CCDC146: variants seen among roughly 807,000 people sequenced by gnomAD.
CCDC146 encodes coiled-coil domain-containing protein 146.
CCDC146 carries 92 observed loss-of-function variants against 119.3 expected under a neutral mutation model. The ratio of observed to expected loss-of-function variants is 0.77; its 90% confidence interval spans 0.65 to 0.92. CCDC146 has a LOEUF of 0.92. CCDC146 is among the 40% of genes least tolerant of loss of function. The pLI is 0.00. For synonymous variants in CCDC146, 372 were observed against 371.8 expected, an observed-to-expected ratio of 1.00 and a Z score of -0.01; for missense variants, 1,000 against 1,103.0, an observed-to-expected ratio of 0.91 and a Z score of 1.32.
intron 13 of CCDC146, among the ~76,000 whole-genome samples, chr7:77,279,446 T>C (rs1469110101): frequency 3.9e-5 from 6 of 152,234 alleles, no homozygotes; most frequent in African/African-American, 1.4e-4. Flanking sequence ...CTTACTATGA[T>C]GATTTTCACC....
intron 2 of CCDC146, among the ~76,000 whole-genome samples, chr7:77,215,761 CACT>C (rs71689344): frequency 0.13 from 19,462 of 151,872 alleles, 1,462 homozygotes; most frequent in African/African-American, 0.2. Context: ...TTCAGAATAA[CACT>C]ACTACCAACA....
At chr7:77,154,508 A>T (rs1449358184) in intron 1 of CCDC146, among the ~76,000 whole-genome samples, 1 of 121,178 alleles carries the variant, frequency 8.3e-6, no homozygotes, top group Non-Finnish European at 1.6e-5. Flanking sequence ...TCCTGTGTCC[A>T]TGTGTTCTCA....
At chr7:77,147,487 T>C (rs917287327) in intron 1 of CCDC146, among the ~76,000 whole-genome samples, 12 of 152,240 alleles carry the variant, frequency 7.9e-5, no homozygotes, top group Admixed American at 2.0e-4. Context: ...AGAGGTGCTC[T>C]GATTTTTAGA....
rs1344208509 is a variant in CCDC146 at position 77,241,309 on chromosome 7, G to A, written c.240-382G>A. Among the ~76,000 whole-genome samples the A allele has an allele frequency of 8.5e-5, 8 of 94,520 alleles. 3 individuals are homozygous for A. The highest frequency in any genetic ancestry group is 2.5e-4 in the East Asian group (1 of 3,972). The allele number at this position is 94,520 out of a possible 152,430, so 62.0% of individuals were successfully genotyped here. ...CCTGACCTTGTGATCCGCCTGCCTC[G>A]GCCTCCCAAAGTGCTGGGATTACAG... On this transcript the variant is annotated intron_variant, in intron 3 of 18. Coordinates refer to ENST00000285871, the MANE Select transcript of CCDC146 (RefSeq NM_020879.3).
At chr7:77,236,615 C>A (rs1792741647) in intron 2 of CCDC146, among the ~76,000 whole-genome samples, 1 of 151,224 alleles carries the variant, frequency 6.6e-6, no homozygotes, top group Admixed American at 6.6e-5. Context: ...AAATAGCCAA[C>A]CTATAATCTA....
Position 77,196,714 on chromosome 7 carries a change from A to C in CCDC146, c.156+28890A>C. The C allele has an allele frequency of 6.2e-7, 1 of 1,614,010 alleles. No individual in the cohort carries two copies. Reference sequence around the variant, plus strand: ...GATCTATTCTCAGAATCATTTCCTTACTCTTGGTCAGAAGATGAATTTTAT... The same window carrying C: ...GATCTATTCTCAGAATCATTTCCTTCCTCTTGGTCAGAAGATGAATTTTAT... On this transcript the variant is annotated intron_variant, in intron 2 of 18. Transcript: ENST00000285871. The surrounding 1 kb of genome is among the most constrained non-coding windows in gnomAD (Gnocchi z 4.2).
At chr7:77,275,420 C>T (rs1793615414) in intron 11 of CCDC146, among the ~76,000 whole-genome samples, 1 of 152,148 alleles carries the variant, frequency 6.6e-6, no homozygotes, top group African/African-American at 2.4e-5. Context: ...TCCCAAGATT[C>T]AATTAACAGT....
Position 77,271,052 on chromosome 7 carries a change from G to GAAA in CCDC146, c.1174-2627_1174-2625dup, listed in dbSNP as rs11294929. On this transcript the variant is annotated intron_variant, in intron 9 of 18. Coordinates refer to ENST00000285871, the MANE Select transcript of CCDC146 (RefSeq NM_020879.3). ...GACTCCTGGATACATTGCAGCTCTG[G>GAAA]AAAAAAAAAAAAAAAAACAGCATTC... is the stretch of plus-strand genomic sequence containing the variant. Among the ~76,000 whole-genome samples, 152 of 134,388 alleles carry GAAA rather than the reference G, an allele frequency of 1.1e-3. 1 individual carries two copies. Among genetic ancestry groups the GAAA allele is most frequent in the East Asian group, 8.1e-3 (37 of 4,564 alleles). 88.2% of individuals were successfully genotyped at this position (134,388 alleles called of 152,430 possible). A position where few individuals can be genotyped will look rare whatever the true frequency, so the allele number is the denominator to read the frequency against.
chr7:77,132,568 AAAAG>A (rs1562810860), intron 1 of CCDC146, among the ~76,000 whole-genome samples: 3 of 142,820 alleles, frequency 2.1e-5, no homozygotes, highest in African/African-American at 7.4e-5. Flanking sequence ...AAAAAAAAAA[AAAAG>A]AAAGAAAGAA....
At chr7:77,179,666 C>A (rs1266499568) in intron 2 of CCDC146, among the ~76,000 whole-genome samples, 5 of 152,010 alleles carry the variant, frequency 3.3e-5, no homozygotes, top group Non-Finnish European at 7.4e-5. Context: ...CTTAAAAGGT[C>A]AAATTCCTAA....
chr7:77,203,859 CAAAAT>C (rs1792039667), intron 2 of CCDC146, among the ~76,000 whole-genome samples: 1 of 152,128 alleles, frequency 6.6e-6, no homozygotes. Flanking sequence ...TTTAAAGTAG[CAAAAT>C]TTATTTCTAT....
chr7:77,220,222 G>C (rs1006918730), intron 2 of CCDC146, among the ~76,000 whole-genome samples: 2 of 152,052 alleles, frequency 1.3e-5, no homozygotes, highest in East Asian at 1.9e-4. Flanking sequence ...GCTGTTCCTC[G>C]CTGAGAAAAA....
At chr7:77,267,633 CATA>C (rs1483414704) in intron 9 of CCDC146, among the ~76,000 whole-genome samples, 1 of 151,848 alleles carries the variant, frequency 6.6e-6, no homozygotes, top group Non-Finnish European at 1.5e-5. Context: ...ATTCTCATGT[CATA>C]ATTTTGATTA....
chr7:77,199,461 T>C (rs752410697), intron 2 of CCDC146: 42 of 1,614,060 alleles, frequency 2.6e-5, no homozygotes, highest in Non-Finnish European at 3.3e-5. Context: ...ACAGTCCGTT[T>C]CTGCCTGGGT....
At chr7:77,168,336 T>C (rs1584037856) in intron 2 of CCDC146, among the ~76,000 whole-genome samples, 3 of 151,770 alleles carry the variant, frequency 2.0e-5, no homozygotes, top group Admixed American at 2.0e-4. Flanking sequence ...ATTTAGGAAA[T>C]ACCCATATAT....
At chr7:77,186,019 G>T (rs554469973) in intron 2 of CCDC146, among the ~76,000 whole-genome samples, 17 of 152,248 alleles carry the variant, frequency 1.1e-4, no homozygotes, top group African/African-American at 4.1e-4. Flanking sequence ...ATGAAGAAAA[G>T]GGAAGCCTCA....
chr7:77,215,645 C>T (rs1050515279), intron 2 of CCDC146, among the ~76,000 whole-genome samples: 1 of 152,024 alleles, frequency 6.6e-6, no homozygotes, highest in African/African-American at 2.4e-5. Flanking sequence ...ATTTATTTAA[C>T]CTCTTCAGTC....
At chr7:77,271,538 A>T (rs1433832241) in intron 9 of CCDC146, among the ~76,000 whole-genome samples, 3 of 61,136 alleles carry the variant, frequency 4.9e-5, no homozygotes, top group African/African-American at 2.5e-4. Context: ...ATATATATAT[A>T]TATATATATA....
chr7:77,278,980 A>G lies in CCDC146; in HGVS notation c.1573A>G (p.Arg525Gly), dbSNP rs776344928. The change falls in exon 13 of 19, where the codon AGA becomes GGA. Residue 525 changes from arginine (R) to glycine (G), a missense_variant. Around this residue, in one of 2 missense-constraint regions of CCDC146, gnomAD observed 985 missense variants for 1,045.3 expected, o/e 0.94. Transcript: ENST00000285871. ...AKLYDTIRNE[R>G]NKFVNLLHKA... ...ACTGTATGACACCATTCGAAATGAA[A>G]GAAACAAATTTGTTAACTTACTCCA... The G allele has an allele frequency of 1.2e-6, 2 of 1,612,306 alleles. No homozygotes were observed. Among genetic ancestry groups the G allele is most frequent in the Admixed American group, 3.4e-5 (2 of 59,572 alleles).
Sources: allele counts gnomAD v4.1 joint callset (sites outside exome capture counted in the v4.1 genomes callset), GRCh38; gene constraint gnomAD v4.1.1; regional missense constraint gnomAD v4.1.1; non-coding constraint Gnocchi (gnomAD v3.1); transcripts MANE v1.5; gene names NCBI Gene and HGNC (gene_info 2026-07-23, HGNC 2026-07-21).